BRWD1: variants seen among roughly 807,000 people sequenced by gnomAD.
BRWD1 encodes the protein bromodomain and WD repeat-containing protein 1.
A neutral mutation model predicts 251.2 loss-of-function variants in BRWD1; 82 were observed. That is an observed-to-expected ratio of 0.33 (90% CI 0.27 to 0.39). The LOEUF is 0.39. Ranked by LOEUF, BRWD1 falls within the 10% of genes least tolerant of loss-of-function variation. The pLI, the probability that BRWD1 is intolerant of heterozygous loss-of-function variation, is 1.00. For synonymous variants in BRWD1, 918 were observed against 902.8 expected, an observed-to-expected ratio of 1.02 and a Z score of -0.30; for missense variants, 2,233 against 2,711.6, an observed-to-expected ratio of 0.82 and a Z score of 3.92.
chr21:39,245,086 A>G (rs914609540), intron 21 of BRWD1, among the ~76,000 whole-genome samples: 1 of 151,700 alleles, frequency 6.6e-6, no homozygotes, highest in Non-Finnish European at 1.5e-5. Context: ...ATTACATAAT[A>G]TAATAGTTTA....
chr21:39,255,284 C>CAT lies in BRWD1; in HGVS notation c.2255+360_2255+361insAT, dbSNP rs1202910488. 3.0e-3 allele frequency among the ~76,000 whole-genome samples: 462 copies of CAT among 151,786 alleles called. 2 individuals are homozygous for CAT. Among genetic ancestry groups the CAT allele is most frequent in the African/African-American group, 0.011 (443 of 41,368 alleles). On this transcript the variant is annotated intron_variant, in intron 19 of 40. Transcript: ENST00000342449. ...AAAATTAGCTGGGTGTGGTGGCGGG[C>CAT]GCCTGTAAGCCCAGCTACTCAGGAG...
In BRWD1 at chr21:39,195,785, T is replaced by G. The variant is rs2031781207; in HGVS notation, c.*474A>C. 2 of 985,832 alleles carry G rather than the reference T, an allele frequency of 2.0e-6. No homozygotes were observed. Among genetic ancestry groups the G allele is most frequent in the African/African-American group, 1.7e-5 (1 of 57,292 alleles). 61.1% of individuals were successfully genotyped at this position (985,832 alleles called of 1,614,324 possible). On this transcript the variant is annotated 3_prime_UTR_variant, in exon 41 of 41. Coordinates refer to ENST00000342449, the MANE Select transcript of BRWD1 (RefSeq NM_033656.4). ...AGGTACCTCGCCTACTAATCATGGT[T>G]ACACCTCCCATGATTATAGTGTCAG... is the stretch of plus-strand genomic sequence containing the variant.
At chr21:39,299,217 T>C (rs954744582) in intron 4 of BRWD1, among the ~76,000 whole-genome samples, 3 of 147,862 alleles carry the variant, frequency 2.0e-5, no homozygotes, top group Admixed American at 6.9e-5. Context: ...GAAAAAAATA[T>C]ATATACATAT....
chr21:39,194,622 C>G lies in BRWD1; in HGVS notation c.*1637G>C. On this transcript the variant is annotated 3_prime_UTR_variant, in exon 41 of 41. Coordinates refer to ENST00000342449, the MANE Select transcript of BRWD1 (RefSeq NM_033656.4). Reference sequence around the variant, plus strand: ...TGCATCAGAGTAGAAAGAAAATGTACCTTCTACTATGTCAAATGGAATAGA... The same window carrying G: ...TGCATCAGAGTAGAAAGAAAATGTAGCTTCTACTATGTCAAATGGAATAGA... 1 of 1,523,560 alleles carries G rather than the reference C, an allele frequency of 6.6e-7. No homozygotes were observed. Among genetic ancestry groups the G allele is most frequent in the Non-Finnish European group, 8.8e-7 (1 of 1,140,140 alleles). 94.4% of individuals were successfully genotyped at this position (1,523,560 alleles called of 1,614,324 possible). A position where few individuals can be genotyped will look rare whatever the true frequency, so the allele number is the denominator to read the frequency against.
At chr21:39,281,918 ATACG>A (rs756874996) in intron 8 of BRWD1, among the ~76,000 whole-genome samples, 45,545 of 150,870 alleles carry the variant, frequency 0.3, 7,358 homozygotes, top group Middle Eastern at 0.36. Context: ...ATGTATATAT[ATACG>A]TATACATACA....
chr21:39,281,729 G>C (rs183491748), intron 8 of BRWD1, among the ~76,000 whole-genome samples: 119 of 152,190 alleles, frequency 7.8e-4, no homozygotes, highest in African/African-American at 2.6e-3. Context: ...GTAGGCAGGA[G>C]TGGTGGCGGA....
chr21:39,300,726 C>T (rs560173820), intron 4 of BRWD1, among the ~76,000 whole-genome samples: 1 of 152,248 alleles, frequency 6.6e-6, no homozygotes, highest in South Asian at 2.1e-4. Context: ...AGATATATGA[C>T]CCATGGTCAA....
rs768846491 is a variant in BRWD1, at chr21:39,278,774, G to A, written c.972C>T (p.Gly324=). The A allele has an allele frequency of 1.6e-5, 26 of 1,594,228 alleles. No individual in the cohort carries two copies. The highest frequency in any genetic ancestry group is 3.6e-5 in the Admixed American group (2 of 56,218). Residue 324 remains glycine (G), a synonymous_variant, in exon 10 of 41, where the codon GGC becomes GGT. Coordinates refer to ENST00000342449, the MANE Select transcript of BRWD1 (RefSeq NM_033656.4). ...PLKFTEKPRP[G]VQMLCSSFSV... is the part of the protein sequence containing the mutation. Reference sequence around the variant, plus strand: ...TAAAAGAAGAACAAAGCATTTGAACGCCTGGCCTAGGCTTTTCAGTGAACT... The same window carrying A: ...TAAAAGAAGAACAAAGCATTTGAACACCTGGCCTAGGCTTTTCAGTGAACT...
rs1316978194 is a variant in BRWD1 at position 39,189,161 on chromosome 21, A to T, written c.*7098T>A. 4.1e-6 allele frequency: 4 copies of T among 984,256 alleles called. No homozygotes were observed. In the African/African-American group the frequency reaches 5.2e-5, roughly 13 times the overall value. The allele number at this position is 984,256 out of a possible 1,614,324, so 61.0% of individuals were successfully genotyped here. ...GCTACAAAGGGTAAACAAAAATTTT[A>T]AAATATGCAAAATTAAGGTGAAATT... is the stretch of plus-strand genomic sequence containing the variant. On this transcript the variant is annotated 3_prime_UTR_variant, in exon 41 of 41. Transcript: ENST00000342449.
intron 20 of BRWD1, among the ~76,000 whole-genome samples, chr21:39,248,725 A>G (rs900230023): frequency 6.6e-6 from 1 of 151,078 alleles, no homozygotes; most frequent in East Asian, 2.0e-4. Flanking sequence ...ATGCTGGTGA[A>G]GTTGCAGAGA....
chr21:39,217,017 A>C (rs1209924140), intron 31 of BRWD1: 2 of 21,010 alleles, frequency 9.5e-5, no homozygotes, highest in African/African-American at 1.8e-4. Flanking sequence ...ACAAATATAT[A>C]TATATATATA....
chr21:39,317,855 G>T (rs2036713822), upstream of BRWD1, among the ~76,000 whole-genome samples: 1 of 152,150 alleles, frequency 6.6e-6, no homozygotes, highest in Non-Finnish European at 1.5e-5. Context: ...GTTCAAGGCT[G>T]GTCTTAAACA....
At chr21:39,266,211 A>G (rs771115199) in intron 15 of BRWD1, among the ~76,000 whole-genome samples, 24 of 152,240 alleles carry the variant, frequency 1.6e-4, no homozygotes, top group Non-Finnish European at 1.6e-4. Context: ...CGTGGAAAAA[A>G]TAAAGTTACT....
chr21:39,253,104 A>C (rs1273790070), intron 19 of BRWD1, among the ~76,000 whole-genome samples: 3 of 152,080 alleles, frequency 2.0e-5, no homozygotes, highest in Non-Finnish European at 4.4e-5. Context: ...AGCCTGGCCA[A>C]CATGGTGAAA....
chr21:39,319,636 T>C (rs1188700046), intron 1 of BRWD1, among the ~76,000 whole-genome samples: 1 of 152,240 alleles, frequency 6.6e-6, no homozygotes, highest in African/African-American at 2.4e-5. Context: ...TTCCATGCAT[T>C]ATTTAAGGAT....
upstream of BRWD1, among the ~76,000 whole-genome samples, chr21:39,316,719 G>T (rs2036702549): frequency 6.6e-6 from 1 of 152,180 alleles, no homozygotes. Context: ...CCAGAGGACT[G>T]CTTGAGCCCA....
intron 4 of BRWD1, 98 bp downstream of exon 4, chr21:39,312,743 A>G (rs1443071019): frequency 7.4e-6 from 7 of 942,992 alleles, no homozygotes; most frequent in African/African-American, 3.4e-5. Flanking sequence ...TGCGGGTCAC[A>G]CTTTGCACCC....
In BRWD1 at chr21:39,269,131, C is replaced by T. The variant is rs562970525; in HGVS notation, c.1530+768G>A. 1.8e-4 allele frequency among the ~76,000 whole-genome samples: 27 copies of T among 151,986 alleles called. No homozygotes were observed. In the South Asian group the frequency reaches 5.6e-3, roughly 32 times the overall value. On this transcript the variant is annotated intron_variant, in intron 15 of 40. Transcript: ENST00000342449. ...TTACTATAGACCTGACTAGACAATG[C>T]TATCTTATAAATGTTAAATTTGCTG...
In BRWD1 at chr21:39,197,274, G is replaced by A; in HGVS notation, c.5795C>T (p.Ala1932Val). ...TGLLRITRRC[A>V]ATAANKIKLM... Reference sequence around the variant, plus strand: ...CTTGATCTTATTGGCAGCCGTAGCTGCACATCTTCGAGTAATCCTCAGGAG... The same window carrying A: ...CTTGATCTTATTGGCAGCCGTAGCTACACATCTTCGAGTAATCCTCAGGAG... Residue 1932 changes from alanine (A) to valine (V), a missense_variant, in exon 41 of 41, where the codon GCA becomes GTA. Ala to Val is a moderately conservative substitution (Grantham distance 64, BLOSUM62 0). This residue lies in a region of BRWD1 where 928 missense variants were observed against 970.0 expected (regional missense o/e 0.96). Transcript: ENST00000342449. 6.2e-7 allele frequency: 1 copy of A among 1,614,072 alleles called. No homozygotes were observed. Among genetic ancestry groups the A allele is most frequent in the Non-Finnish European group, 8.5e-7 (1 of 1,179,954 alleles).
Sources: gnomAD v4.1 joint callset for allele counts (sites outside exome capture counted in the v4.1 genomes callset) on GRCh38, gnomAD v4.1.1 for gene constraint, gnomAD v4.1.1 regional missense constraint, MANE v1.5 for transcripts, NCBI Gene and HGNC (gene_info 2026-07-23, HGNC 2026-07-21) for gene names.